Variants in CLEC12A observed in about 807,000 individuals in gnomAD.
CLEC12A encodes the protein C-type lectin protein CLL-1.
A neutral mutation model predicts 26.5 loss-of-function variants in CLEC12A; 22 were observed. The observed-to-expected ratio is 0.83, with a 90% CI of 0.59 to 1.19. The LOEUF is 1.19. Ranked by LOEUF, CLEC12A falls within the 50% of genes most tolerant of loss-of-function variation. The probability of loss-of-function intolerance (pLI) is 0.00; values close to 1 mark genes in which losing one functional copy is unlikely to be tolerated. For missense variants in CLEC12A, 353 were observed against 315.6 expected (o/e 1.12, Z -0.90); for synonymous variants, 119 against 101.9 (o/e 1.17, Z -1.01).
downstream of CLEC12A, chr12:9,999,158 C>A: frequency 1.8e-6 from 2 of 1,129,640 alleles, no homozygotes; most frequent in South Asian, 1.3e-5. Flanking sequence ...AATGTAGTTT[C>A]CAACTTTACA....
intron 5 of CLEC12A, among the ~76,000 whole-genome samples, chr12:9,982,621 A>C (rs909072678): frequency 5.9e-5 from 9 of 152,150 alleles, no homozygotes; most frequent in African/African-American, 1.7e-4. Context: ...TTTGTTATAA[A>C]TGACACTTCA....
At chr12:9,997,220 G>C (rs1324215489), downstream of CLEC12A, 4 of 1,613,820 alleles carry the variant, frequency 2.5e-6, no homozygotes, top group East Asian at 8.9e-5. Context: ...TTTGCTAATT[G>C]TTGCAGAGTT....
chr12:9,963,725 G>A (rs1255530253), intron 1 of CLEC12A, among the ~76,000 whole-genome samples: 1 of 152,162 alleles, frequency 6.6e-6, no homozygotes. Context: ...AGGATCCACA[G>A]AGGAAGAAGA....
chr12:9,997,050 C>T (rs1295780165), downstream of CLEC12A: 1 of 1,610,392 alleles, frequency 6.2e-7, no homozygotes, highest in Non-Finnish European at 8.5e-7. Flanking sequence ...ATTGGGCTTA[C>T]ATTTTCTTCA....
chr12:9,962,910 A>G (rs907534583), intron 1 of CLEC12A, among the ~76,000 whole-genome samples: 1 of 152,070 alleles, frequency 6.6e-6, no homozygotes, highest in Non-Finnish European at 1.5e-5. Context: ...GACGGCAAAA[A>G]TTTTGGGGGC....
chr12:9,973,558 A>C (rs937262433), intron 1 of CLEC12A, among the ~76,000 whole-genome samples: 1 of 152,148 alleles, frequency 6.6e-6, no homozygotes, highest in African/African-American at 2.4e-5. Flanking sequence ...CCCAGAGTTG[A>C]ATATTGCTGG....
intron 4 of CLEC12A, among the ~76,000 whole-genome samples, chr12:9,994,795 C>T (rs537656676): frequency 2.6e-4 from 40 of 151,536 alleles, no homozygotes; most frequent in Non-Finnish European, 5.2e-4. Context: ...ATAATCAGAA[C>T]AAGCAAAACA....
At chr12:9,967,099 G>T (rs1277652061), upstream of CLEC12A, among the ~76,000 whole-genome samples, 1 of 151,872 alleles carries the variant, frequency 6.6e-6, no homozygotes, top group Admixed American at 6.6e-5. Context: ...ACAGGGTGGA[G>T]AAGTGGAGGC....
the CLEC12A span, among the ~76,000 whole-genome samples, chr12:10,005,477 A>G: frequency 6.6e-6 from 1 of 152,228 alleles, no homozygotes; most frequent in Non-Finnish European, 1.5e-5. Flanking sequence ...TTCTACGATG[A>G]CAGCTGCCAT....
rs1250657439 is a variant in CLEC12A, at chr12:9,992,016, A to G, written n.1005-3002A>G. On this transcript the variant is annotated intron_variant and non_coding_transcript_variant, in intron 4 of 4. Coordinates refer to the CLEC12A transcript ENST00000449959. ...TTTGAGTTTCCTATTTGGTTTCTCT[A>G]TGTTTTAACCAAAACCTCCGTTGAG... 5.3e-5 allele frequency: 8 copies of G among 152,206 alleles called. No individual in the cohort carries two copies. The South Asian group carries it at 1.4e-3, about 28-fold the overall frequency. 9.4% of individuals were successfully genotyped at this position (152,206 alleles called of 1,614,324 possible).
At chr12:9,968,488 G>A (rs1864020737), upstream of CLEC12A, among the ~76,000 whole-genome samples, 1 of 152,112 alleles carries the variant, frequency 6.6e-6, no homozygotes, top group African/African-American at 2.4e-5. Context: ...TGCTCAATAG[G>A]GGAGCTTTTG....
intron 1 of CLEC12A, among the ~76,000 whole-genome samples, chr12:9,976,823 G>C (rs929715916): frequency 6.6e-6 from 1 of 152,126 alleles, no homozygotes; most frequent in Non-Finnish European, 1.5e-5. Context: ...TGAATCATAT[G>C]GTAGGGGTGT....
upstream of CLEC12A, among the ~76,000 whole-genome samples, chr12:9,970,254 TGTTC>T (rs977058806): frequency 2.6e-5 from 4 of 152,154 alleles, no homozygotes; most frequent in African/African-American, 9.6e-5. Context: ...AAAATTTTTT[TGTTC>T]ATTTTGGTTA....
intron 5 of CLEC12A, among the ~76,000 whole-genome samples, chr12:9,982,795 C>T (rs570572008): frequency 1.3e-5 from 2 of 152,244 alleles, no homozygotes; most frequent in East Asian, 3.9e-4. Flanking sequence ...TCTTCCCACC[C>T]TCCTACTTTT....
At chr12:9,996,908 T>C (rs1459350776), downstream of CLEC12A, 7 of 1,613,906 alleles carry the variant, frequency 4.3e-6, no homozygotes, top group Admixed American at 1.0e-4. Flanking sequence ...TACTGCTTAC[T>C]CTCTTCCCAT....
chr12:9,984,993 G>A lies in CLEC12A; in HGVS notation c.765G>A (p.Val255=). Residue 255 remains valine, a synonymous_variant, in exon 6 of 6, where the codon GTG becomes GTA. Coordinates refer to ENST00000304361, the MANE Select transcript of CLEC12A (RefSeq NM_138337.6). ...TATGTGAGAAGATGGCCAATCCAGT[G>A]CAGCTTGGTTCTACATATTTTAGGG... ...RMICEKMANP[V]QLGSTYFREA 1.3e-6 allele frequency: 2 copies of A among 1,541,122 alleles called. No homozygotes were observed. Among genetic ancestry groups the A allele is most frequent in the Middle Eastern group, 1.8e-4 (1 of 5,664 alleles).
In CLEC12A at chr12:9,985,322, G is replaced by A. The variant is rs75293853; in HGVS notation, c.*296G>A. Reference sequence around the variant, plus strand: ...CCTTCGAATTTTCATTTTCATTTACGTTCTTCCCCTTCTGGCCAAGATTTG... The same window carrying A: ...CCTTCGAATTTTCATTTTCATTTACATTCTTCCCCTTCTGGCCAAGATTTG... On this transcript the variant is annotated 3_prime_UTR_variant, in exon 6 of 6. Coordinates refer to ENST00000304361, the MANE Select transcript of CLEC12A (RefSeq NM_138337.6). The A allele has an allele frequency of 9.5e-3, 3,775 of 399,008 alleles. 141 individuals carry two copies. The highest frequency in any genetic ancestry group is 0.069 in the African/African-American group (3,382 of 48,686). 24.7% of individuals were successfully genotyped at this position (399,008 alleles called of 1,614,324 possible).
At chr12:9,998,964 G>T, downstream of CLEC12A, 2 of 873,392 alleles carry the variant, frequency 2.3e-6, no homozygotes, top group Non-Finnish European at 1.9e-6. Flanking sequence ...ATTATCAATA[G>T]TAGAAAAAGA....
At chr12:9,992,554 A>G (rs1020030437) in intron 4 of CLEC12A, 1 of 152,102 alleles carries the variant, frequency 6.6e-6, no homozygotes, top group Non-Finnish European at 1.5e-5. Flanking sequence ...TACAGTTAAC[A>G]CTCTAAAGTT....
Sources: gnomAD v4.1 joint callset for allele counts (sites outside exome capture counted in the v4.1 genomes callset) on GRCh38, gnomAD v4.1.1 for gene constraint, MANE v1.5 for transcripts, NCBI Gene and HGNC (gene_info 2026-07-23, HGNC 2026-07-21) for gene names.